The following TP63 variants were observed in gnomAD, a reference collection of about 807,000 sequenced individuals.
The protein encoded by TP63 is tumor protein p63, also known as tumor protein 63.
TP63 carries 17 observed loss-of-function variants against 82.8 expected under a neutral mutation model. That is an observed-to-expected ratio of 0.21 (90% CI 0.14 to 0.31). The LOEUF is 0.31. Ranked by LOEUF, TP63 falls within the 10% of genes least tolerant of loss-of-function variation. The probability of loss-of-function intolerance (pLI) is 1.00; values close to 1 mark genes in which losing one functional copy is unlikely to be tolerated. For synonymous variants in TP63, 330 were observed against 321.7 expected, an observed-to-expected ratio of 1.03 and a Z score of -0.28; for missense variants, 648 against 895.3, an observed-to-expected ratio of 0.72 and a Z score of 3.52.
At chr3:189,771,293 ATTATATT>A (rs1235153042) in intron 3 of TP63, among the ~76,000 whole-genome samples, 1 of 138,824 alleles carries the variant, frequency 7.2e-6, no homozygotes, top group East Asian at 2.0e-4. Context: ...ATAAATATAT[ATTATATT>A]TATATATATA....
intron 1 of TP63, among the ~76,000 whole-genome samples, chr3:189,663,382 AG>A (rs1714094206): frequency 6.6e-6 from 1 of 152,142 alleles, no homozygotes; most frequent in South Asian, 2.1e-4. Flanking sequence ...ATCATCTTAA[AG>A]CATCTTATAG....
At chr3:189,736,519 G>A (rs529153809) in intron 1 of TP63, among the ~76,000 whole-genome samples, 22 of 152,052 alleles carry the variant, frequency 1.4e-4, no homozygotes, top group African/African-American at 4.3e-4. Context: ...TTGTGTTTTC[G>A]TAGTGCTGTC....
intron 1 of TP63, chr3:189,645,497 T>A (rs1028283884): frequency 1.7e-4 from 35 of 206,406 alleles, no homozygotes; most frequent in African/African-American, 6.7e-4. Flanking sequence ...TTGTGTTTTT[T>A]AATTTTTTTA....
In TP63 at chr3:189,839,079, A is replaced by G. The variant is rs149139415; in HGVS notation, c.580-25153A>G. Among the ~76,000 whole-genome samples the G allele has an allele frequency of 7.6e-3, 1,143 of 150,632 alleles. 21 individuals carry two copies. Among genetic ancestry groups the G allele is most frequent in the African/African-American group, 0.026 (1,073 of 41,104 alleles). On this transcript the variant is annotated intron_variant, in intron 4 of 13. Coordinates refer to ENST00000264731, the MANE Select transcript of TP63 (RefSeq NM_003722.5). Reference sequence around the variant, plus strand: ...AAAAAAAAAAAGAAAAAGAAAAAGTAGATTTAAGTATACCAATGAGCATGG... The same window carrying G: ...AAAAAAAAAAAGAAAAAGAAAAAGTGGATTTAAGTATACCAATGAGCATGG...
At chr3:189,658,517 A>C (rs918681463) in intron 1 of TP63, among the ~76,000 whole-genome samples, 12 of 152,048 alleles carry the variant, frequency 7.9e-5, no homozygotes, top group African/African-American at 2.9e-4. Flanking sequence ...TGACAATTCA[A>C]GTAGATAGTA....
chr3:189,706,362 T>C (rs963655498), intron 1 of TP63, among the ~76,000 whole-genome samples: 5 of 152,144 alleles, frequency 3.3e-5, no homozygotes, highest in Non-Finnish European at 7.3e-5. Context: ...GTTCAAGTGA[T>C]TCTCCTGCCT....
intron 1 of TP63, among the ~76,000 whole-genome samples, chr3:189,667,649 A>T (rs76872857): frequency 0.039 from 5,874 of 152,222 alleles, 144 homozygotes; most frequent in Middle Eastern, 0.054. Flanking sequence ...TAAAGACTTG[A>T]GAGTAGAACA....
chr3:189,729,681 G>A (rs533615061), intron 1 of TP63, among the ~76,000 whole-genome samples: 1 of 152,096 alleles, frequency 6.6e-6, no homozygotes, highest in Admixed American at 6.5e-5. Flanking sequence ...GGGATGAGTA[G>A]AGAGATAAGG....
intron 3 of TP63, among the ~76,000 whole-genome samples, chr3:189,785,677 A>G (rs1724548095): frequency 6.6e-6 from 1 of 152,068 alleles, no homozygotes; most frequent in African/African-American, 2.4e-5. Flanking sequence ...GTGGATTATA[A>G]GGAAAGTGAA....
At chr3:189,789,892 T>C (rs759927084) in intron 3 of TP63, 16 of 1,486,098 alleles carry the variant, frequency 1.1e-5, no homozygotes, top group Non-Finnish European at 1.2e-5. Context: ...TTTTAATTTT[T>C]ATTTTTGTAA....
the TP63 span, among the ~76,000 whole-genome samples, chr3:189,607,719 T>A: frequency 6.6e-6 from 1 of 151,978 alleles, no homozygotes; most frequent in Non-Finnish European, 1.5e-5. Flanking sequence ...ATCGTACATA[T>A]AAAAATGTAT....
At chr3:189,636,412 C>G (rs951383470) in intron 1 of TP63, among the ~76,000 whole-genome samples, 1 of 152,054 alleles carries the variant, frequency 6.6e-6, no homozygotes, top group Non-Finnish European at 1.5e-5. Context: ...ATTTACTGTT[C>G]ACAACTAGAA....
intron 3 of TP63, among the ~76,000 whole-genome samples, chr3:189,785,280 C>T (rs985844696): frequency 3.3e-5 from 5 of 152,026 alleles, no homozygotes; most frequent in African/African-American, 9.7e-5. Flanking sequence ...GGTAAATACT[C>T]TTCTAATTCT....
At chr3:189,621,820 G>A in the TP63 span, among the ~76,000 whole-genome samples, 1 of 152,176 alleles carries the variant, frequency 6.6e-6, no homozygotes, top group South Asian at 2.1e-4. Flanking sequence ...GAATATAAGA[G>A]ATAACTGAAG....
At chr3:189,708,348 T>C (rs150446957) in intron 1 of TP63, among the ~76,000 whole-genome samples, 1 of 152,226 alleles carries the variant, frequency 6.6e-6, no homozygotes, top group African/African-American at 2.4e-5. Flanking sequence ...AACCACAATC[T>C]ATCTTTGTTT....
chr3:189,626,519 G>T (rs1029427590), upstream of TP63, among the ~76,000 whole-genome samples: 4 of 152,188 alleles, frequency 2.6e-5, no homozygotes, highest in Non-Finnish European at 4.4e-5. Context: ...TACGGAACAT[G>T]CAAGATCATC....
chr3:189,856,471 G>T (rs1340045744), intron 4 of TP63, among the ~76,000 whole-genome samples: 1 of 151,858 alleles, frequency 6.6e-6, no homozygotes, highest in Non-Finnish European at 1.5e-5. Flanking sequence ...AATGATATAT[G>T]ATTCTAGTTC....
intron 10 of TP63, among the ~76,000 whole-genome samples, chr3:189,881,979 T>C (rs1162155941): frequency 1.3e-5 from 2 of 149,534 alleles, no homozygotes; most frequent in Admixed American, 1.3e-4. Context: ...TTTTGAGCCC[T>C]GAATAATTGC....
intron 3 of TP63, among the ~76,000 whole-genome samples, chr3:189,788,396 T>A (rs1164724764): frequency 2.6e-5 from 4 of 152,032 alleles, no homozygotes; most frequent in African/African-American, 9.6e-5. Context: ...GGGAGGCAAA[T>A]CCGAAGTCGT....
Sources: gnomAD v4.1 joint callset for allele counts (sites outside exome capture counted in the v4.1 genomes callset) on GRCh38, gnomAD v4.1.1 for gene constraint, MANE v1.5 for transcripts, NCBI Gene and HGNC (gene_info 2026-07-23, HGNC 2026-07-21) for gene names.